Variants in PPP2R5C observed in about 807,000 individuals in gnomAD.
The protein encoded by PPP2R5C is protein phosphatase 2 regulatory subunit B'gamma.
A neutral mutation model predicts 68.9 loss-of-function variants in PPP2R5C; 7 were observed. The ratio of observed to expected loss-of-function variants is 0.10; its 90% CI spans 0.06 to 0.19. The LOEUF (loss-of-function observed/expected upper bound fraction) is 0.19. PPP2R5C is among the 10% of genes least tolerant of loss of function. The probability of loss-of-function intolerance (pLI) is 1.00; values close to 1 mark genes in which losing one functional copy is unlikely to be tolerated. For synonymous variants in PPP2R5C, 210 were observed against 222.2 expected, an observed-to-expected ratio of 0.95 and a Z score of 0.49; for missense variants, 348 against 641.3, an observed-to-expected ratio of 0.54 and a Z score of 4.94.
At chr14:101,788,727 A>G (rs890940300) in intron 3 of PPP2R5C, among the ~76,000 whole-genome samples, 1 of 152,240 alleles carries the variant, frequency 6.6e-6, no homozygotes, top group African/African-American at 2.4e-5. Context: ...TGGCTGTTCT[A>G]AAACATTAAT....
At chr14:101,771,318 G>A (rs1042704987) in intron 2 of PPP2R5C, among the ~76,000 whole-genome samples, 7 of 151,026 alleles carry the variant, frequency 4.6e-5, no homozygotes, top group East Asian at 2.0e-4. Flanking sequence ...GCAGTGGTGC[G>A]ATCTTGGCTC....
chr14:101,805,174 GC>G (rs1382280039), upstream of PPP2R5C, among the ~76,000 whole-genome samples: 1 of 152,062 alleles, frequency 6.6e-6, no homozygotes, highest in Admixed American at 6.6e-5. Flanking sequence ...GCTCACTGCA[GC>G]CTGCCTCGGC....
chr14:101,914,897 G>A (rs1416731081), intron 12 of PPP2R5C, among the ~76,000 whole-genome samples: 7 of 152,308 alleles, frequency 4.6e-5, no homozygotes, highest in Admixed American at 1.3e-4. Flanking sequence ...ATGAAATGAA[G>A]ACAGGCACTT....
chr14:101,861,807 T>A (rs2042755607), intron 2 of PPP2R5C, among the ~76,000 whole-genome samples: 1 of 152,238 alleles, frequency 6.6e-6, no homozygotes, highest in Admixed American at 6.5e-5. Flanking sequence ...TTTGAATATT[T>A]GGCAGGCATC....
At chr14:101,791,960 G>A (rs1274118734) in intron 3 of PPP2R5C, among the ~76,000 whole-genome samples, 1 of 152,102 alleles carries the variant, frequency 6.6e-6, no homozygotes, top group Non-Finnish European at 1.5e-5. Flanking sequence ...GAATCAAAGT[G>A]TCTTCTTCAA....
At chr14:101,848,546 A>G (rs534403216) in intron 1 of PPP2R5C, among the ~76,000 whole-genome samples, 30 of 152,182 alleles carry the variant, frequency 2.0e-4, no homozygotes, top group South Asian at 2.1e-4. Flanking sequence ...TCAAAAAAAA[A>G]AAAGAAAGAA....
At chr14:101,815,784 G>C (rs557639714) in intron 1 of PPP2R5C, among the ~76,000 whole-genome samples, 4 of 151,992 alleles carry the variant, frequency 2.6e-5, no homozygotes, top group South Asian at 2.1e-4. Flanking sequence ...ATTCTCCTGC[G>C]TCAGCCTCCC....
Position 101,901,893 on chromosome 14 carries a change from T to A in PPP2R5C, c.1023+4T>A. ...TGTCTCCAGCCCACACTTCCAGGTA[T>A]GTGGGGCTTGGGGGACCTGATTAAA... On this transcript the variant is annotated splice_donor_region_variant and intron_variant, in intron 9 of 13. Transcript: ENST00000334743. 1 of 1,613,464 alleles carries A rather than the reference T, an allele frequency of 6.2e-7. No homozygotes were observed. Among genetic ancestry groups the A allele is most frequent in the Non-Finnish European group, 8.5e-7 (1 of 1,179,446 alleles).
chr14:101,831,669 C>T, intron 1 of PPP2R5C: 1 of 686,230 alleles, frequency 1.5e-6, no homozygotes. Flanking sequence ...CACAGGTCCA[C>T]TTATATGTGG....
intron 2 of PPP2R5C, among the ~76,000 whole-genome samples, chr14:101,861,003 C>T (rs1046880954): frequency 2.0e-5 from 3 of 152,018 alleles, no homozygotes; most frequent in Admixed American, 6.6e-5. Flanking sequence ...TAATTTCAGC[C>T]GTATTTAAAT....
chr14:101,816,911 A>T (rs1200498777), intron 1 of PPP2R5C, among the ~76,000 whole-genome samples: 2 of 140,120 alleles, frequency 1.4e-5, no homozygotes, highest in African/African-American at 5.3e-5. Context: ...TATATATATA[A>T]TATATATATT....
chr14:101,865,257 G>T (rs1408570670), intron 2 of PPP2R5C, among the ~76,000 whole-genome samples: 1 of 152,184 alleles, frequency 6.6e-6, no homozygotes, highest in Non-Finnish European at 1.5e-5. Context: ...CAGACACTGG[G>T]TCTCTCACAC....
At chr14:101,782,867 C>G (rs1190370972) in intron 2 of PPP2R5C, among the ~76,000 whole-genome samples, 1 of 3,210 alleles carries the variant, frequency 3.1e-4, no homozygotes, top group African/African-American at 2.0e-3. Flanking sequence ...CCTCCTCCCC[C>G]CTTCCCCTCC....
chr14:101,876,215 G>A (rs759813830), intron 2 of PPP2R5C, among the ~76,000 whole-genome samples: 6 of 152,096 alleles, frequency 3.9e-5, no homozygotes, highest in East Asian at 1.9e-4. Context: ...AATATGACTC[G>A]TAGAACCTAA....
chr14:101,908,711 A>G (rs989187064), intron 10 of PPP2R5C, among the ~76,000 whole-genome samples: 3 of 151,812 alleles, frequency 2.0e-5, no homozygotes, highest in Non-Finnish European at 4.4e-5. Context: ...AACAATGACA[A>G]CAAAGCCCCT....
At chr14:101,804,431 G>C (rs1404296476) in intron 3 of PPP2R5C, among the ~76,000 whole-genome samples, 2 of 152,136 alleles carry the variant, frequency 1.3e-5, no homozygotes, top group African/African-American at 4.8e-5. Context: ...TATGTTTGTT[G>C]CAGCATTGTT....
rs2042296611 is a variant in PPP2R5C, at chr14:101,854,196, T to A, written c.95-2490T>A. Among the ~76,000 whole-genome samples the A allele has an allele frequency of 2.6e-5, 4 of 152,156 alleles. No homozygotes were observed. In the South Asian group the frequency reaches 8.3e-4, roughly 32 times the overall value. On this transcript the variant is annotated intron_variant, in intron 1 of 13. Transcript: ENST00000334743. ...ATAAAATTTTTGTTCTCATGGTGTTTTAGGATCCTACAGGCAGTACACCCC... is the reference window on the plus strand; with the variant it reads ...ATAAAATTTTTGTTCTCATGGTGTTATAGGATCCTACAGGCAGTACACCCC...
At chr14:101,762,718 A>G (rs990546027) in intron 1 of PPP2R5C, among the ~76,000 whole-genome samples, 187 bp from the exon 2 acceptor site, 7 of 149,212 alleles carry the variant, frequency 4.7e-5, no homozygotes, top group African/African-American at 1.7e-4. Flanking sequence ...AAGAATCTGA[A>G]TGGGGGTTGG....
At chr14:101,838,844 G>A (rs1323230451) in intron 1 of PPP2R5C, among the ~76,000 whole-genome samples, 3 of 152,146 alleles carry the variant, frequency 2.0e-5, no homozygotes, top group Non-Finnish European at 4.4e-5. Context: ...AGGAGTTTGA[G>A]ACCAGCCTGG....
Sources: allele counts gnomAD v4.1 joint callset (sites outside exome capture counted in the v4.1 genomes callset), GRCh38; gene constraint gnomAD v4.1.1; transcripts MANE v1.5; gene names NCBI Gene and HGNC (gene_info 2026-07-23, HGNC 2026-07-21).